The following FMNL2 variants were observed in gnomAD, a reference collection of about 807,000 sequenced individuals.
FMNL2 encodes formin like 2.
A neutral mutation model predicts 130.2 loss-of-function variants in FMNL2; 51 were observed. That is an observed-to-expected ratio of 0.39 (90% CI 0.31 to 0.49). The LOEUF (loss-of-function observed/expected upper bound fraction) is 0.49. Among genes scored for constraint, FMNL2 ranks in the 20% least tolerant of loss-of-function variants. FMNL2 has a pLI of 0.85. For missense variants in FMNL2, 977 were observed against 1,316.2 expected (o/e 0.74, Z 3.99); for synonymous variants, 465 against 467.1 (o/e 1.00, Z 0.06).
intron 2 of FMNL2, among the ~76,000 whole-genome samples, chr2:152,534,564 CTTTTT>C (rs10719527): frequency 1.5e-5 from 2 of 131,572 alleles, no homozygotes; most frequent in African/African-American, 2.9e-5. Flanking sequence ...CTTATTTTGT[CTTTTT>C]TTTTTTTTTT....
chr2:152,504,884 T>C (rs1692068935), intron 1 of FMNL2, among the ~76,000 whole-genome samples: 2 of 152,186 alleles, frequency 1.3e-5, no homozygotes, highest in Admixed American at 1.3e-4. Flanking sequence ...AGGTGAATGC[T>C]GTCATTCATG....
chr2:152,614,741 TCAAAA>T (rs70974877), intron 11 of FMNL2, 105 bp from the exon 12 acceptor site: 124 of 1,024,082 alleles, frequency 1.2e-4, no homozygotes, highest in Middle Eastern at 5.6e-4. Flanking sequence ...AAACTCCATC[TCAAAA>T]CAAAACAAAA....
chr2:152,367,033 C>T (rs1359214698), intron 1 of FMNL2, among the ~76,000 whole-genome samples: 2 of 148,184 alleles, frequency 1.3e-5, no homozygotes, highest in Non-Finnish European at 3.0e-5. Flanking sequence ...TATTTTGCTT[C>T]TTTAGTTTAG....
chr2:152,539,598 A>C (rs1006803466), intron 2 of FMNL2, among the ~76,000 whole-genome samples: 1 of 152,250 alleles, frequency 6.6e-6, no homozygotes, highest in African/African-American at 2.4e-5. Flanking sequence ...CAAATGAAGA[A>C]TATGTGGAAT....
chr2:152,480,480 C>T (rs1690443165), intron 1 of FMNL2, among the ~76,000 whole-genome samples: 1 of 151,576 alleles, frequency 6.6e-6, no homozygotes, highest in Non-Finnish European at 1.5e-5. Flanking sequence ...ACTAAAACTA[C>T]AAAAACTAGC....
At chr2:152,372,306 T>C (rs1169830450) in intron 1 of FMNL2, among the ~76,000 whole-genome samples, 2 of 152,242 alleles carry the variant, frequency 1.3e-5, no homozygotes, top group African/African-American at 4.8e-5. Flanking sequence ...TTAGCATTTG[T>C]GTCAGATTTA....
chr2:152,625,664 T>G (rs1681736722), intron 16 of FMNL2, 102 bp downstream of exon 16: 1 of 1,346,414 alleles, frequency 7.4e-7, no homozygotes, highest in Non-Finnish European at 1.0e-6. Flanking sequence ...GTACTAGTGT[T>G]TTAAGTCCCC....
intron 1 of FMNL2, among the ~76,000 whole-genome samples, chr2:152,410,182 T>C (rs1344584108): frequency 6.6e-6 from 1 of 152,164 alleles, no homozygotes; most frequent in Non-Finnish European, 1.5e-5. Context: ...TTGCTGTCGA[T>C]ATGGAGCACA....
At position 152,640,933 on chromosome 2, in the gene FMNL2, C is replaced by T. The variant is rs199765331; in HGVS notation, c.3169+19C>T. ...ATCACAGGTAAAAGATATTTCTTCA[C>T]TGTGGCCCATGGAGATCCCACTGGC... is the stretch of plus-strand genomic sequence containing the variant. On this transcript the variant is annotated intron_variant, in intron 25 of 25. Coordinates refer to ENST00000288670, the MANE Select transcript of FMNL2 (RefSeq NM_052905.4). 13 of 1,612,888 alleles carry T rather than the reference C, an allele frequency of 8.1e-6. No homozygotes were observed. The African/African-American group carries it at 1.6e-4, about 20-fold the overall frequency.
At chr2:152,441,135 A>T (rs977626281) in intron 1 of FMNL2, among the ~76,000 whole-genome samples, 4 of 152,168 alleles carry the variant, frequency 2.6e-5, no homozygotes, top group Non-Finnish European at 5.9e-5. Flanking sequence ...CTTAATTGTA[A>T]TTTTATTCAA....
chr2:152,619,419 G>A, intron 14 of FMNL2, 90 bp from the exon 15 acceptor site: 1 of 1,528,964 alleles, frequency 6.5e-7, no homozygotes, highest in Non-Finnish European at 8.8e-7. Flanking sequence ...TAAGTGTGTT[G>A]TTTTCAGATG....
intron 1 of FMNL2, among the ~76,000 whole-genome samples, chr2:152,497,415 G>C (rs1691574558): frequency 6.6e-6 from 1 of 151,958 alleles, no homozygotes; most frequent in African/African-American, 2.4e-5. Context: ...AATACATTAG[G>C]TTCTCTTATT....
chr2:152,549,331 G>T (rs931796569), intron 4 of FMNL2, among the ~76,000 whole-genome samples: 1 of 152,206 alleles, frequency 6.6e-6, no homozygotes, highest in African/African-American at 2.4e-5. Flanking sequence ...CTTTGAGCGG[G>T]TGCAGTAAAT....
chr2:152,429,412 T>C (rs1579643061), intron 1 of FMNL2, among the ~76,000 whole-genome samples: 1 of 152,100 alleles, frequency 6.6e-6, no homozygotes, highest in African/African-American at 2.4e-5. Flanking sequence ...GGAAATAACT[T>C]CCTGCCTCTA....
chr2:152,363,274 G>T (rs1683288615), intron 1 of FMNL2, among the ~76,000 whole-genome samples: 1 of 152,086 alleles, frequency 6.6e-6, no homozygotes, highest in Admixed American at 6.5e-5. Flanking sequence ...AAAACCTTTT[G>T]TTTCAAGTTT....
At chr2:152,573,878 A>T (rs1186009089) in intron 6 of FMNL2, among the ~76,000 whole-genome samples, 2 of 152,194 alleles carry the variant, frequency 1.3e-5, no homozygotes, top group East Asian at 3.8e-4. Flanking sequence ...ATAAGTATGT[A>T]TGTGTTATGT....
rs1205434294 is a variant in FMNL2 at position 152,648,248 on chromosome 2, ATGT to A, written c.*347_*349del. ...CCATCATGGCCCACCTGGTTTCCTGATGTTGTAAATAACATCAATGCATCTGCT... is the reference window on the plus strand; with the variant it reads ...CCATCATGGCCCACCTGGTTTCCTGATGTAAATAACATCAATGCATCTGCT... On this transcript the variant is annotated 3_prime_UTR_variant, in exon 26 of 26. Coordinates refer to ENST00000288670, the MANE Select transcript of FMNL2 (RefSeq NM_052905.4). 1.3e-4 allele frequency: 28 copies of A among 210,476 alleles called. No homozygotes were observed. The East Asian group carries it at 2.2e-3, about 16-fold the overall frequency. The allele number at this position is 210,476 out of a possible 1,614,324, so 13.0% of individuals were successfully genotyped here.
At chr2:152,406,086 T>A (rs747668593) in intron 1 of FMNL2, among the ~76,000 whole-genome samples, 21 of 152,202 alleles carry the variant, frequency 1.4e-4, no homozygotes, top group Non-Finnish European at 2.4e-4. Context: ...TAGATTAGTT[T>A]CATTTGTTGT....
chr2:152,634,420 C>T (rs1021725075), intron 21 of FMNL2, among the ~76,000 whole-genome samples: 9 of 152,120 alleles, frequency 5.9e-5, no homozygotes, highest in South Asian at 4.1e-4. Context: ...GTGAAAAGAG[C>T]GAGACTCCGT....
Sources: gnomAD v4.1 joint callset for allele counts (sites outside exome capture counted in the v4.1 genomes callset) on GRCh38, gnomAD v4.1.1 for gene constraint, MANE v1.5 for transcripts, NCBI Gene and HGNC (gene_info 2026-07-23, HGNC 2026-07-21) for gene names.